The following AGTPBP1 variants were observed in gnomAD, a reference collection of about 807,000 sequenced individuals.
AGTPBP1 encodes ATP/GTP binding carboxypeptidase 1.
AGTPBP1 carries 70 observed loss-of-function variants against 143.9 expected under a neutral mutation model. That is an observed-to-expected ratio of 0.49 (90% CI 0.40 to 0.59). The LOEUF (loss-of-function observed/expected upper bound fraction) is 0.59. Among genes scored for constraint, AGTPBP1 ranks in the 20% least tolerant of loss-of-function variants. The pLI is 0.00. For synonymous variants in AGTPBP1, 463 were observed against 500.2 expected, an observed-to-expected ratio of 0.93 and a Z score of 0.99; for missense variants, 1,229 against 1,464.5, an observed-to-expected ratio of 0.84 and a Z score of 2.62.
chr9:85,753,869 T>G, the AGTPBP1 span, among the ~76,000 whole-genome samples: 30 of 152,130 alleles, frequency 2.0e-4, no homozygotes, highest in Non-Finnish European at 3.7e-4. Context: ...AATGCAAAAT[T>G]TCTAGTATTT....
In AGTPBP1 at chr9:85,575,299, A is replaced by C; in HGVS notation, c.3503+16T>G. 1 of 1,564,936 alleles carries C rather than the reference A, an allele frequency of 6.4e-7. No homozygotes were observed. The highest frequency in any genetic ancestry group is 8.6e-7 in the Non-Finnish European group (1 of 1,165,370). On this transcript the variant is annotated intron_variant, in intron 25 of 25. Transcript: ENST00000357081. The stretch of plus-strand genomic sequence containing the variant: ...TATACTACAATATAATAAAAGAAAA[A>C]ACAATTTTTTCCTACCTAGTTACTT...
chr9:85,612,461 G>A (rs1303841197), intron 17 of AGTPBP1, among the ~76,000 whole-genome samples: 1 of 152,158 alleles, frequency 6.6e-6, no homozygotes, highest in African/African-American at 2.4e-5. Context: ...CTGTACCCAG[G>A]ACCCTTCTGG....
chr9:85,566,596 C>A (rs1827118671), intron 25 of AGTPBP1, among the ~76,000 whole-genome samples: 1 of 150,432 alleles, frequency 6.6e-6, no homozygotes, highest in African/African-American at 2.5e-5. Flanking sequence ...TTATCCCTGT[C>A]CCAAAGACAG....
In AGTPBP1 at chr9:85,621,241, T is replaced by A. The variant is rs1308363379; in HGVS notation, c.2060A>T (p.Asp687Val). ...QDIERLIHQS[D>V]IIDRVVYDLD... is the part of the protein sequence containing the mutation. ...GTCATATACCACACGATCTATGATA[T>A]CACTCTGATGTATTAGCCTTTCAAT... Residue 687 changes from aspartate (D) to valine (V), a missense_variant, in exon 15 of 26, where the codon GAT (aspartate) becomes GTT (valine). Asp to Val is a radical substitution (Grantham distance 152). Coordinates refer to ENST00000357081, the MANE Select transcript of AGTPBP1 (RefSeq NM_001330701.2). 2 of 1,470,596 alleles carry A rather than the reference T, an allele frequency of 1.4e-6. No homozygotes were observed. The highest frequency in any genetic ancestry group is 1.8e-6 in the Non-Finnish European group (2 of 1,117,372). 91.1% of individuals were successfully genotyped at this position (1,470,596 alleles called of 1,614,324 possible).
At chr9:85,621,921 A>C (rs1337630016) in intron 14 of AGTPBP1, among the ~76,000 whole-genome samples, 1 of 152,172 alleles carries the variant, frequency 6.6e-6, no homozygotes, top group Non-Finnish European at 1.5e-5. Flanking sequence ...CTGTCCTAGA[A>C]GACTAAGTCA....
intron 12 of AGTPBP1, among the ~76,000 whole-genome samples, chr9:85,644,570 T>C (rs1307866547): frequency 1.3e-5 from 2 of 152,032 alleles, no homozygotes; most frequent in South Asian, 4.1e-4. Flanking sequence ...TACAGACTCA[T>C]TAGAAAAAAA....
the AGTPBP1 span, among the ~76,000 whole-genome samples, chr9:85,778,028 A>G: frequency 2.0e-5 from 3 of 152,314 alleles, no homozygotes; most frequent in East Asian, 5.8e-4. Flanking sequence ...TCAACTGATC[A>G]TAGGGAACTC....
intron 25 of AGTPBP1, among the ~76,000 whole-genome samples, chr9:85,550,548 T>C (rs1825978261): frequency 6.6e-6 from 1 of 152,196 alleles, no homozygotes; most frequent in Admixed American, 6.5e-5. Flanking sequence ...AAGCATGCCC[T>C]CTTTGAACAA....
At chr9:85,780,566 T>C in the AGTPBP1 span, among the ~76,000 whole-genome samples, 1 of 151,914 alleles carries the variant, frequency 6.6e-6, no homozygotes, top group African/African-American at 2.4e-5. Flanking sequence ...AGTTCCAAAC[T>C]TGAACTTTTT....
intron 4 of AGTPBP1, among the ~76,000 whole-genome samples, chr9:85,681,041 A>T (rs933010145): frequency 1.3e-5 from 2 of 152,250 alleles, no homozygotes; most frequent in Admixed American, 6.5e-5. Flanking sequence ...CACCTAATAC[A>T]TATTAAAATA....
intron 25 of AGTPBP1, among the ~76,000 whole-genome samples, chr9:85,560,242 T>C (rs1158092082): frequency 6.6e-6 from 1 of 152,192 alleles, no homozygotes; most frequent in Non-Finnish European, 1.5e-5. Context: ...CTGATTTACA[T>C]TACAAAGCCC....
chr9:85,754,090 A>G, the AGTPBP1 span, among the ~76,000 whole-genome samples: 1 of 152,200 alleles, frequency 6.6e-6, no homozygotes, highest in African/African-American at 2.4e-5. Flanking sequence ...CAGAATCAAT[A>G]TATTCTTATT....
At chr9:85,699,137 T>G (rs534217378) in intron 2 of AGTPBP1, among the ~76,000 whole-genome samples, 2 of 152,172 alleles carry the variant, frequency 1.3e-5, no homozygotes, top group East Asian at 3.8e-4. Context: ...CATATTTTTT[T>G]AAATAATTTC....
intron 17 of AGTPBP1, among the ~76,000 whole-genome samples, chr9:85,611,489 T>C (rs941407520): frequency 1.3e-5 from 2 of 151,550 alleles, no homozygotes; most frequent in Non-Finnish European, 2.9e-5. Context: ...AAAAGGAAAA[T>C]GGAAAACTTA....
chr9:85,740,100 A>G (rs1402313094), intron 1 of AGTPBP1, among the ~76,000 whole-genome samples: 4 of 152,230 alleles, frequency 2.6e-5, no homozygotes, highest in Admixed American at 2.6e-4. Context: ...ATTATATAGC[A>G]GCCTAGCCAG....
intron 25 of AGTPBP1, among the ~76,000 whole-genome samples, chr9:85,554,936 A>C (rs1826243899): frequency 6.6e-6 from 1 of 152,226 alleles, no homozygotes; most frequent in Non-Finnish European, 1.5e-5. Context: ...TAAGAACTCA[A>C]AGATAGGTTT....
chr9:85,641,500 CTTCT>C (rs1268460291), intron 13 of AGTPBP1, among the ~76,000 whole-genome samples: 3 of 151,698 alleles, frequency 2.0e-5, no homozygotes, highest in Non-Finnish European at 2.9e-5. Context: ...TCCTGCCTTC[CTTCT>C]ATTACCCCGA....
intron 8 of AGTPBP1, among the ~76,000 whole-genome samples, chr9:85,664,890 A>C (rs1204924558): frequency 6.6e-6 from 1 of 152,142 alleles, no homozygotes; most frequent in East Asian, 1.9e-4. Flanking sequence ...TTCTTTGTCA[A>C]CTTTTATTCG....
At chr9:85,676,840 A>T (rs79397169) in intron 6 of AGTPBP1, among the ~76,000 whole-genome samples, 8 of 152,218 alleles carry the variant, frequency 5.3e-5, no homozygotes, top group African/African-American at 1.9e-4. Context: ...TTTACACAAT[A>T]GAATACTATT....
Sources: allele counts gnomAD v4.1 joint callset (sites outside exome capture counted in the v4.1 genomes callset), GRCh38; gene constraint gnomAD v4.1.1; transcripts MANE v1.5; gene names NCBI Gene and HGNC (gene_info 2026-07-23, HGNC 2026-07-21).